Variants in TRAPPC9 observed in about 807,000 individuals in gnomAD.
The protein encoded by TRAPPC9 is trafficking protein particle complex subunit 9.
Under a neutral mutation model 124.0 loss-of-function variants are expected in TRAPPC9, and 83 were observed. The observed-to-expected ratio is 0.67, with a 90% CI of 0.56 to 0.80. The LOEUF is 0.80. Ranked by LOEUF, TRAPPC9 falls within the 30% of genes least tolerant of loss-of-function variation. The probability of loss-of-function intolerance (pLI) is 0.00; values close to 1 mark genes in which losing one functional copy is unlikely to be tolerated. For synonymous variants in TRAPPC9, 638 were observed against 617.5 expected (o/e 1.03, Z -0.49); for missense variants, 1,302 against 1,508.3 (o/e 0.86, Z 2.27).
At position 139,978,808 on chromosome 8, in the gene TRAPPC9, C is replaced by T. The variant is rs545226429; in HGVS notation, c.2810+9918G>A. On this transcript the variant is annotated intron_variant, in intron 19 of 22. Coordinates refer to ENST00000438773, the MANE Select transcript of TRAPPC9 (RefSeq NM_001160372.4). The stretch of plus-strand genomic sequence containing the variant: ...GGGTGTGGCTGGGATTCTCACTCCC[C>T]GCTGGACAGATGAGGGGCTGAAGGC... Among the ~76,000 whole-genome samples the T allele has an allele frequency of 1.4e-4, 22 of 152,364 alleles. No homozygotes were observed. In the South Asian group the frequency reaches 2.9e-3, roughly 20 times the overall value.
At chr8:139,795,555 G>A in intron 21 of TRAPPC9, among the ~76,000 whole-genome samples, 1 of 151,964 alleles carries the variant, frequency 6.6e-6, no homozygotes, top group Admixed American at 6.6e-5. Flanking sequence ...AAGCTGGGCA[G>A]GGAGGGGGTG....
intron 20 of TRAPPC9, among the ~76,000 whole-genome samples, chr8:139,887,001 G>A (rs1239014865): frequency 1.3e-5 from 2 of 152,160 alleles, no homozygotes; most frequent in African/African-American, 4.8e-5. Flanking sequence ...GCTGGCTCAT[G>A]GGGGAGTCGG....
rs575796930 is a variant in TRAPPC9 at position 140,266,402 on chromosome 8, G to A, written c.2278+9256C>T. Among the ~76,000 whole-genome samples the A allele has an allele frequency of 7.3e-5, 11 of 151,518 alleles. No individual in the cohort carries two copies. The East Asian group carries it at 2.1e-3, about 29-fold the overall frequency. On this transcript the variant is annotated intron_variant, in intron 15 of 22. Transcript: ENST00000438773. ...CGCTTAAACCTGGGAGGTGGAGGTTGCAGTGAGCCGAGGTTGTACCACTGC... is the reference window on the plus strand; with the variant it reads ...CGCTTAAACCTGGGAGGTGGAGGTTACAGTGAGCCGAGGTTGTACCACTGC...
At chr8:140,056,868 A>G (rs529088615) in intron 17 of TRAPPC9, among the ~76,000 whole-genome samples, 25 of 152,328 alleles carry the variant, frequency 1.6e-4, no homozygotes, top group Admixed American at 9.8e-4. Context: ...CAACAGAGTG[A>G]AAAGGCAACC....
intron 20 of TRAPPC9, among the ~76,000 whole-genome samples, chr8:139,893,476 CA>C (rs888986595): frequency 6.6e-6 from 1 of 152,238 alleles, no homozygotes; most frequent in African/African-American, 2.4e-5. Flanking sequence ...AGCAATGCTG[CA>C]GTTGGCACTT....
At chr8:140,208,166 AT>A (rs1297352615) in intron 17 of TRAPPC9, among the ~76,000 whole-genome samples, 1 of 149,388 alleles carries the variant, frequency 6.7e-6, no homozygotes, top group African/African-American at 2.5e-5. Flanking sequence ...AAAAAAAAAA[AT>A]TAATCTCAAA....
At chr8:140,188,756 C>T (rs1366904532) in intron 17 of TRAPPC9, among the ~76,000 whole-genome samples, 1 of 152,178 alleles carries the variant, frequency 6.6e-6, no homozygotes, top group African/African-American at 2.4e-5. Context: ...CAGGGATCTA[C>T]CTTTGCTCCT....
At chr8:139,768,512 T>C (rs1398037073) in intron 21 of TRAPPC9, among the ~76,000 whole-genome samples, 1 of 152,226 alleles carries the variant, frequency 6.6e-6, no homozygotes, top group Non-Finnish European at 1.5e-5. Flanking sequence ...AATATGTACC[T>C]GGAAAATCAT....
intron 16 of TRAPPC9, among the ~76,000 whole-genome samples, chr8:140,235,310 A>T (rs951502045): frequency 6.6e-6 from 1 of 152,190 alleles, no homozygotes; most frequent in Non-Finnish European, 1.5e-5. Flanking sequence ...TCTAATTTAA[A>T]AAATTGATAA....
chr8:140,091,145 T>C (rs569034608), intron 17 of TRAPPC9, among the ~76,000 whole-genome samples: 1 of 152,148 alleles, frequency 6.6e-6, no homozygotes, highest in East Asian at 1.9e-4. Context: ...TGAGACGCAA[T>C]AGCTCATCTG....
chr8:140,011,531 G>A (rs1368568764), intron 18 of TRAPPC9, among the ~76,000 whole-genome samples: 1 of 129,766 alleles, frequency 7.7e-6, no homozygotes, highest in African/African-American at 3.0e-5. Context: ...TTGAGACGGA[G>A]TCTCACTCCG....
At chr8:140,411,852 AAAG>A (rs1435289069) in intron 5 of TRAPPC9, among the ~76,000 whole-genome samples, 1 of 152,208 alleles carries the variant, frequency 6.6e-6, no homozygotes, top group Non-Finnish European at 1.5e-5. Context: ...GGATGGAAAG[AAAG>A]AAGGAGAAAA....
intron 9 of TRAPPC9, among the ~76,000 whole-genome samples, chr8:140,344,153 AT>A (rs2067270646): frequency 6.6e-6 from 1 of 151,964 alleles, no homozygotes. Flanking sequence ...TGTAAAGGAG[AT>A]CCCAGAGAGC....
chr8:140,330,265 A>G (rs1468793980), intron 9 of TRAPPC9, among the ~76,000 whole-genome samples: 1 of 152,184 alleles, frequency 6.6e-6, no homozygotes, highest in African/African-American at 2.4e-5. Context: ...TTCTGCATAT[A>G]CATCCAGGTA....
intron 21 of TRAPPC9, among the ~76,000 whole-genome samples, chr8:139,777,748 A>C (rs1821491865): frequency 6.6e-6 from 1 of 152,244 alleles, no homozygotes; most frequent in South Asian, 2.1e-4. Context: ...AATACATGAA[A>C]CAATGGTTTC....
At chr8:139,990,852 G>A (rs1473852075) in intron 18 of TRAPPC9, among the ~76,000 whole-genome samples, 2 of 151,984 alleles carry the variant, frequency 1.3e-5, no homozygotes, top group Non-Finnish European at 2.9e-5. Flanking sequence ...CTCCCAAAGT[G>A]TTGGGATTAC....
chr8:140,426,564 A>T, intron 5 of TRAPPC9, 51 bp downstream of exon 5: 1 of 1,566,766 alleles, frequency 6.4e-7, no homozygotes, highest in South Asian at 1.1e-5. Context: ...TCACCATGAA[A>T]CAAGCACTTA....
intron 2 of TRAPPC9, among the ~76,000 whole-genome samples, chr8:140,440,819 G>T (rs991503470): frequency 6.6e-6 from 1 of 151,968 alleles, no homozygotes; most frequent in Non-Finnish European, 1.5e-5. Flanking sequence ...TTGCTGCAAC[G>T]CTGAAGTCCC....
chr8:140,252,791 TGCAGGAGATTCTCCTG>T lies in TRAPPC9; in HGVS notation c.2401_2416del (p.Gln801ArgfsTer10), dbSNP rs1315001632. ...AAAGCGCTTACCATCACTGAGATCC[TGCAGGAGATTCTCCTG>T]GCAGGAGAAATCCAGCTTCACTTTG... On this transcript the variant is annotated frameshift_variant, in exon 16 of 23. Coordinates refer to ENST00000438773, the MANE Select transcript of TRAPPC9 (RefSeq NM_001160372.4). LOFTEE classifies it high-confidence loss of function. This position sits in a 1 kb window ranked among gnomAD's most constrained non-coding sequence, Gnocchi z 4.2. The T allele has an allele frequency of 6.2e-7, 1 of 1,614,082 alleles. No individual in the cohort carries two copies. The highest frequency in any genetic ancestry group is 1.7e-5 in the Admixed American group (1 of 60,028).
Sources: allele counts gnomAD v4.1 joint callset (sites outside exome capture counted in the v4.1 genomes callset), GRCh38; gene constraint gnomAD v4.1.1; non-coding constraint Gnocchi (gnomAD v3.1); transcripts MANE v1.5; gene names NCBI Gene and HGNC (gene_info 2026-07-23, HGNC 2026-07-21).